XRN2: variants seen among roughly 807,000 people sequenced by gnomAD.
The protein encoded by XRN2 is 5'-3' exoribonuclease 2.
A neutral mutation model predicts 138.5 loss-of-function variants in XRN2; 44 were observed. That is an observed-to-expected ratio of 0.32 (90% CI 0.25 to 0.41). The LOEUF (loss-of-function observed/expected upper bound fraction) is 0.41, where lower values mean the gene tolerates loss of function less well. Ranked by LOEUF, XRN2 falls within the 10% of genes least tolerant of loss-of-function variation. The probability of loss-of-function intolerance (pLI) is 1.00; values close to 1 mark genes in which losing one functional copy is unlikely to be tolerated. For synonymous variants in XRN2, 354 were observed against 369.4 expected (o/e 0.96, Z 0.48); for missense variants, 937 against 1,169.3 (o/e 0.80, Z 2.90).
At chr20:21,321,694 T>C (rs939226920) in intron 1 of XRN2, among the ~76,000 whole-genome samples, 1 of 152,152 alleles carries the variant, frequency 6.6e-6, no homozygotes, top group Non-Finnish European at 1.5e-5. Context: ...CAAATGAATT[T>C]TGTTCTAAAA....
chr20:21,308,398 G>A (rs1186962912), intron 1 of XRN2, among the ~76,000 whole-genome samples: 1 of 152,138 alleles, frequency 6.6e-6, no homozygotes, highest in East Asian at 1.9e-4. Flanking sequence ...TTGTATATTA[G>A]GTGTGTGATT....
chr20:21,337,585 G>T (rs1336840152), intron 13 of XRN2, among the ~76,000 whole-genome samples: 4 of 152,146 alleles, frequency 2.6e-5, no homozygotes, highest in Non-Finnish European at 5.9e-5. Context: ...CCCATGGGAG[G>T]AGAGAAGTGG....
chr20:21,380,420 A>G (rs2038870495), intron 27 of XRN2, among the ~76,000 whole-genome samples: 1 of 152,224 alleles, frequency 6.6e-6, no homozygotes, highest in Non-Finnish European at 1.5e-5. Flanking sequence ...GAAATAAACC[A>G]TACAAATGAA....
chr20:21,342,755 C>G (rs114512630), intron 15 of XRN2, among the ~76,000 whole-genome samples: 2 of 152,234 alleles, frequency 1.3e-5, no homozygotes, highest in East Asian at 3.9e-4. Flanking sequence ...GGAAACAGAA[C>G]GTTATCATCC....
At chr20:21,349,286 T>C in intron 19 of XRN2, 103 bp from the exon 20 acceptor site, 1 of 814,476 alleles carries the variant, frequency 1.2e-6, no homozygotes, top group Non-Finnish European at 2.0e-6. Flanking sequence ...ATGCACTTTA[T>C]TTTCTCATCA....
At chr20:21,374,805 A>G (rs2038800046) in intron 27 of XRN2, among the ~76,000 whole-genome samples, 1 of 151,950 alleles carries the variant, frequency 6.6e-6, no homozygotes, top group Non-Finnish European at 1.5e-5. Flanking sequence ...CTTATAAAAC[A>G]AATTAGAAAA....
In XRN2 at chr20:21,340,722, G is replaced by A; in HGVS notation, c.1280G>A (p.Arg427Lys). The change falls in exon 15 of 30, where the codon AGA (arginine) becomes AAA (lysine). Residue 427 changes from arginine (R) to lysine (K), a missense_variant and splice_region_variant. This residue lies in a region of XRN2 where 471 missense variants were observed against 581.2 expected (regional missense o/e 0.81). Transcript: ENST00000377191. ...CTACATTCATTCCATTTATGTTAGA[G>A]AGATCAACCAGCTTTCACTCCTAGT... ...RQKEKRKRMK[R>K]DQPAFTPSGI... The A allele has an allele frequency of 6.2e-7, 1 of 1,613,458 alleles. No homozygotes were observed. The highest frequency in any genetic ancestry group is 8.5e-7 in the Non-Finnish European group (1 of 1,179,680).
At chr20:21,323,499 A>G (rs2038077230) in intron 1 of XRN2, among the ~76,000 whole-genome samples, 1 of 152,198 alleles carries the variant, frequency 6.6e-6, no homozygotes, top group Non-Finnish European at 1.5e-5. Flanking sequence ...ACGTGTTGGT[A>G]TAGCATTGGA....
At chr20:21,324,992 C>A (rs2038104411) in intron 1 of XRN2, among the ~76,000 whole-genome samples, 1 of 152,198 alleles carries the variant, frequency 6.6e-6, no homozygotes, top group Non-Finnish European at 1.5e-5. Flanking sequence ...CCTGTCTCCA[C>A]CCTCACCTGA....
chr20:21,344,731 C>T (rs966130043), intron 16 of XRN2, among the ~76,000 whole-genome samples: 2 of 152,162 alleles, frequency 1.3e-5, no homozygotes, highest in African/African-American at 4.8e-5. Flanking sequence ...TATTTCATGA[C>T]AGAGGAGTTT....
intron 26 of XRN2, among the ~76,000 whole-genome samples, 191 bp downstream of exon 26, chr20:21,365,895 A>T (rs1251146407): frequency 4.9e-5 from 6 of 123,430 alleles, no homozygotes; most frequent in Non-Finnish European, 8.2e-5. Flanking sequence ...ATAATATATA[A>T]TTATATATAT....
chr20:21,375,003 GT>G (rs908740035), intron 27 of XRN2, among the ~76,000 whole-genome samples: 20 of 101,340 alleles, frequency 2.0e-4, no homozygotes, highest in Non-Finnish European at 3.2e-4. Context: ...GTTGGTTTTG[GT>G]AAGTTCTTTT....
intron 13 of XRN2, among the ~76,000 whole-genome samples, chr20:21,338,099 A>G (rs1600691027): frequency 6.6e-6 from 1 of 152,134 alleles, no homozygotes; most frequent in East Asian, 1.9e-4. Context: ...AGAAAGCACC[A>G]ATTTCCAATT....
At chr20:21,378,701 A>G (rs914958482) in intron 27 of XRN2, among the ~76,000 whole-genome samples, 1 of 152,246 alleles carries the variant, frequency 6.6e-6, no homozygotes, top group Non-Finnish European at 1.5e-5. Context: ...AGCTTGTTTT[A>G]GTAAGATTGA....
intron 28 of XRN2, 70 bp from the exon 29 acceptor site, chr20:21,386,798 C>G: frequency 6.5e-7 from 1 of 1,536,016 alleles, no homozygotes; most frequent in Non-Finnish European, 8.8e-7. Flanking sequence ...GGAGATGATA[C>G]CTGCCGATTT....
chr20:21,303,910 A>G, intron 1 of XRN2: 2 of 961,812 alleles, frequency 2.1e-6, no homozygotes, highest in Non-Finnish European at 2.5e-6. Context: ...ACAACCTTGT[A>G]AAGGAATCCC....
At chr20:21,372,918 T>C (rs923486318) in intron 27 of XRN2, among the ~76,000 whole-genome samples, 2 of 152,208 alleles carry the variant, frequency 1.3e-5, no homozygotes, top group Non-Finnish European at 2.9e-5. Context: ...TAAAAAGCTA[T>C]TACATGACTA....
intron 1 of XRN2, among the ~76,000 whole-genome samples, chr20:21,309,850 A>G (rs148717017): frequency 4.6e-5 from 7 of 151,708 alleles, no homozygotes; most frequent in Admixed American, 3.9e-4. Context: ...TTGTAATTCT[A>G]CTTTCTTTGT....
chr20:21,351,033 A>T (rs2038504054), intron 20 of XRN2, among the ~76,000 whole-genome samples: 1 of 152,222 alleles, frequency 6.6e-6, no homozygotes, highest in Admixed American at 6.5e-5. Context: ...TAAGTAAATT[A>T]AGAAGCAAAT....
Sources: gnomAD v4.1 joint callset for allele counts (sites outside exome capture counted in the v4.1 genomes callset) on GRCh38, gnomAD v4.1.1 for gene constraint, gnomAD v4.1.1 regional missense constraint, MANE v1.5 for transcripts, NCBI Gene and HGNC (gene_info 2026-07-23, HGNC 2026-07-21) for gene names.